DNM3: variants seen among roughly 807,000 people sequenced by gnomAD.
The protein encoded by DNM3 is dynamin-3.
A neutral mutation model predicts 101.6 loss-of-function variants in DNM3; 47 were observed. That is an observed-to-expected ratio of 0.46 (90% CI 0.37 to 0.59). DNM3 has a LOEUF of 0.59. DNM3 is among the 20% of genes least tolerant of loss of function. The probability of loss-of-function intolerance (pLI) is 0.00; values close to 1 mark genes in which losing one functional copy is unlikely to be tolerated. For missense variants in DNM3, 849 were observed against 1,085.7 expected, an observed-to-expected ratio of 0.78 and a Z score of 3.06; for synonymous variants, 385 against 387.9, an observed-to-expected ratio of 0.99 and a Z score of 0.09.
At chr1:172,133,854 G>C (rs1253373080) in intron 14 of DNM3, among the ~76,000 whole-genome samples, 3 of 152,198 alleles carry the variant, frequency 2.0e-5, no homozygotes, top group Non-Finnish European at 4.4e-5. Flanking sequence ...TAGGAACAGT[G>C]GGGGAGAAAG....
At chr1:172,206,397 A>G (rs768689959) in intron 14 of DNM3, among the ~76,000 whole-genome samples, 4 of 152,200 alleles carry the variant, frequency 2.6e-5, no homozygotes, top group Non-Finnish European at 5.9e-5. Context: ...TGCAGGAAGC[A>G]GAAGAAATGT....
Position 171,928,741 on chromosome 1 carries a change from T to C in DNM3, c.235+6920T>C, listed in dbSNP as rs549294347. Among the ~76,000 whole-genome samples the C allele has an allele frequency of 5.3e-5, 8 of 152,326 alleles. No individual in the cohort carries two copies. The East Asian group carries it at 1.4e-3, about 26-fold the overall frequency. ...GGCTTTGTCCAGGGAATTGCCAAGC[T>C]GCTACTGGCTTGATTGCTCTGGCGC... On this transcript the variant is annotated intron_variant, in intron 2 of 20. Coordinates refer to ENST00000627582, the MANE Select transcript of DNM3 (RefSeq NM_015569.5).
intron 14 of DNM3, among the ~76,000 whole-genome samples, chr1:172,202,618 G>A (rs543593753): frequency 7.0e-4 from 106 of 152,184 alleles, no homozygotes; most frequent in African/African-American, 2.1e-3. Context: ...AAGACTTAGC[G>A]CGGTAACTGG....
intron 2 of DNM3, among the ~76,000 whole-genome samples, chr1:171,978,259 A>G (rs1429221370): frequency 6.6e-6 from 1 of 152,206 alleles, no homozygotes; most frequent in Non-Finnish European, 1.5e-5. Flanking sequence ...AAAACTGGGC[A>G]ATGTAATAGG....
rs1247807194 is a variant in DNM3, at chr1:172,408,792, T to C, written c.*951T>C. On this transcript the variant is annotated 3_prime_UTR_variant, in exon 21 of 21. Coordinates refer to ENST00000627582, the MANE Select transcript of DNM3 (RefSeq NM_015569.5). ...TACGTGCTAATTTGTAATCTTGTTT[T>C]GTAAGAATTTATCCTACCCTTGAAA... The C allele has an allele frequency of 1.0e-6, 1 of 985,192 alleles. No homozygotes were observed. The highest frequency in any genetic ancestry group is 1.2e-6 in the Non-Finnish European group (1 of 829,844). 61.0% of individuals were successfully genotyped at this position (985,192 alleles called of 1,614,324 possible). A position where few individuals can be genotyped will look rare whatever the true frequency, so the allele number is the denominator to read the frequency against.
At chr1:172,146,820 A>C (rs541664980) in intron 14 of DNM3, among the ~76,000 whole-genome samples, 1 of 152,182 alleles carries the variant, frequency 6.6e-6, no homozygotes, top group Non-Finnish European at 1.5e-5. Flanking sequence ...ATGCCTTGGA[A>C]ATTTTTGTCA....
intron 8 of DNM3, among the ~76,000 whole-genome samples, chr1:172,043,703 T>G (rs1277829688): frequency 6.6e-6 from 1 of 152,058 alleles, no homozygotes; most frequent in African/African-American, 2.4e-5. Context: ...CAATTCGTCA[T>G]TCTAGGGCAT....
At chr1:172,415,349 T>G (rs1307312237), downstream of DNM3, 1 of 152,182 alleles carries the variant, frequency 6.6e-6, no homozygotes, top group African/African-American at 2.4e-5. Flanking sequence ...CATGAGATTA[T>G]TGTGAAGGAA....
At chr1:172,396,503 A>G (rs2070014759) in intron 20 of DNM3, among the ~76,000 whole-genome samples, 1 of 152,236 alleles carries the variant, frequency 6.6e-6, no homozygotes, top group Admixed American at 6.5e-5. Context: ...TAGAAGGGCT[A>G]ATGGACTAAC....
At chr1:171,876,809 G>A (rs1443927538) in intron 1 of DNM3, among the ~76,000 whole-genome samples, 1 of 152,194 alleles carries the variant, frequency 6.6e-6, no homozygotes, top group Non-Finnish European at 1.5e-5. Context: ...GTTTGAAATA[G>A]GAATACCTGT....
At chr1:172,285,659 T>C (rs2063670050) in intron 15 of DNM3, among the ~76,000 whole-genome samples, 1 of 152,202 alleles carries the variant, frequency 6.6e-6, no homozygotes, top group Non-Finnish European at 1.5e-5. Context: ...CACTTTGATA[T>C]GACTTGACAT....
At chr1:172,088,613 C>T (rs2053694579) in intron 12 of DNM3, among the ~76,000 whole-genome samples, 1 of 152,056 alleles carries the variant, frequency 6.6e-6, no homozygotes, top group Non-Finnish European at 1.5e-5. Flanking sequence ...TTTTACTCTC[C>T]ACAACTTCCC....
At chr1:172,174,253 T>C (rs1292758043) in intron 14 of DNM3, among the ~76,000 whole-genome samples, 1 of 151,630 alleles carries the variant, frequency 6.6e-6, no homozygotes, top group Non-Finnish European at 1.5e-5. Flanking sequence ...AGAATGATTT[T>C]TTTTTCTCCT....
intron 13 of DNM3, among the ~76,000 whole-genome samples, chr1:172,096,889 G>A (rs367621424): frequency 6.8e-4 from 104 of 152,278 alleles, no homozygotes; most frequent in African/African-American, 2.4e-3. Context: ...GAATTGGTGA[G>A]GATGCTTTTG....
At chr1:172,247,367 G>A (rs778804319) in intron 14 of DNM3, among the ~76,000 whole-genome samples, 33 of 152,080 alleles carry the variant, frequency 2.2e-4, no homozygotes, top group Non-Finnish European at 4.3e-4. Context: ...AGTATAAGAA[G>A]GGGGTGGTAA....
intron 17 of DNM3, among the ~76,000 whole-genome samples, chr1:172,365,207 G>A (rs2067947790): frequency 6.6e-6 from 1 of 151,930 alleles, no homozygotes. Context: ...TTGTGTTTAT[G>A]TTTTCTAAGG....
intron 1 of DNM3, among the ~76,000 whole-genome samples, chr1:171,857,267 G>A (rs2033706863): frequency 6.6e-6 from 1 of 152,150 alleles, no homozygotes; most frequent in Non-Finnish European, 1.5e-5. Flanking sequence ...GTACCAGTGG[G>A]GAATTAATGA....
intron 15 of DNM3, among the ~76,000 whole-genome samples, chr1:172,305,772 A>G (rs1476596313): frequency 1.3e-5 from 2 of 152,218 alleles, no homozygotes; most frequent in African/African-American, 4.8e-5. Context: ...ACAGAACCGA[A>G]GAGAAAAACC....
chr1:172,317,625 A>G (rs2065453053), intron 16 of DNM3, among the ~76,000 whole-genome samples: 1 of 152,242 alleles, frequency 6.6e-6, no homozygotes, highest in Non-Finnish European at 1.5e-5. Context: ...ATGCAAATAA[A>G]CTAGAAAATC....
Sources: gnomAD v4.1 joint callset for allele counts (sites outside exome capture counted in the v4.1 genomes callset) on GRCh38, gnomAD v4.1.1 for gene constraint, MANE v1.5 for transcripts, NCBI Gene and HGNC (gene_info 2026-07-23, HGNC 2026-07-21) for gene names.